RAPGEF2: variants seen among roughly 807,000 people sequenced by gnomAD.
The protein encoded by RAPGEF2 is PDZ domain containing guanine nucleotide exchange factor (GEF) 1.
Under a neutral mutation model 186.7 loss-of-function variants are expected in RAPGEF2, and 54 were observed. The ratio of observed to expected loss-of-function variants is 0.29; its 90% CI spans 0.23 to 0.36. RAPGEF2 has a LOEUF of 0.36. Among genes scored for constraint, RAPGEF2 ranks in the 10% least tolerant of loss-of-function variants. The pLI, the probability that RAPGEF2 is intolerant of heterozygous loss-of-function variation, is 1.00. For missense variants in RAPGEF2, 1,532 were observed against 2,045.0 expected, an observed-to-expected ratio of 0.75 and a Z score of 4.84; for synonymous variants, 712 against 705.9, an observed-to-expected ratio of 1.01 and a Z score of -0.14.
intron 7 of RAPGEF2, chr4:159,268,325 T>TA (rs1440199170): frequency 1.1e-6 from 1 of 886,196 alleles, no homozygotes; most frequent in East Asian, 2.6e-5. Context: ...GTAGAAGGTA[T>TA]AGTAGTCTGC....
At chr4:159,184,961 C>T (rs1426917816) in intron 1 of RAPGEF2, among the ~76,000 whole-genome samples, 1 of 152,124 alleles carries the variant, frequency 6.6e-6, no homozygotes, top group Non-Finnish European at 1.5e-5. Flanking sequence ...TATGGCTAGC[C>T]AGTTTCCCCA....
chr4:159,213,371 C>T (rs1750703079), intron 4 of RAPGEF2, among the ~76,000 whole-genome samples: 1 of 152,156 alleles, frequency 6.6e-6, no homozygotes, highest in Non-Finnish European at 1.5e-5. Flanking sequence ...ATTCTTCACC[C>T]CAAGTTTTTA....
At chr4:159,280,320 C>T (rs1038926161) in intron 7 of RAPGEF2, among the ~76,000 whole-genome samples, 1 of 152,136 alleles carries the variant, frequency 6.6e-6, no homozygotes, top group African/African-American at 2.4e-5. Flanking sequence ...ACGGTTTTGA[C>T]TGTGAAATAA....
chr4:159,235,822 G>C (rs914175256), intron 4 of RAPGEF2, among the ~76,000 whole-genome samples: 29 of 152,184 alleles, frequency 1.9e-4, no homozygotes, highest in African/African-American at 5.1e-4. Flanking sequence ...AGAAGCAAAA[G>C]TAACTTGTGG....
intron 1 of RAPGEF2, among the ~76,000 whole-genome samples, chr4:159,173,493 G>A (rs1255604776): frequency 6.6e-6 from 1 of 152,144 alleles, no homozygotes; most frequent in Admixed American, 6.5e-5. Context: ...TAGGAGTTCA[G>A]TGGAATGATG....
At chr4:159,234,127 A>C (rs1274979483) in intron 4 of RAPGEF2, among the ~76,000 whole-genome samples, 1 of 152,062 alleles carries the variant, frequency 6.6e-6, no homozygotes, top group Non-Finnish European at 1.5e-5. Flanking sequence ...AAAAAAAAAA[A>C]CTGCTGTATT....
chr4:159,208,968 A>G (rs998034875), intron 3 of RAPGEF2, among the ~76,000 whole-genome samples: 6 of 151,856 alleles, frequency 4.0e-5, no homozygotes, highest in Non-Finnish European at 8.8e-5. Flanking sequence ...TCAGCTCACT[A>G]CAACCTCCGC....
At chr4:159,134,858 C>T (rs1421158803) in intron 1 of RAPGEF2, among the ~76,000 whole-genome samples, 1 of 152,194 alleles carries the variant, frequency 6.6e-6, no homozygotes, top group Non-Finnish European at 1.5e-5. Flanking sequence ...TTCCTGTACC[C>T]TCATCCTCTA....
intron 8 of RAPGEF2, among the ~76,000 whole-genome samples, chr4:159,307,338 C>A (rs1168719157): frequency 2.0e-5 from 3 of 152,022 alleles, no homozygotes; most frequent in African/African-American, 4.8e-5. Context: ...AAATAATTTT[C>A]TTTTAAAGAG....
intron 2 of RAPGEF2, among the ~76,000 whole-genome samples, chr4:159,188,667 A>G (rs1747800324): frequency 6.6e-6 from 1 of 151,514 alleles, no homozygotes; most frequent in Non-Finnish European, 1.5e-5. Context: ...ACATCTCAAA[A>G]AAAAAAAAAA....
intron 11 of RAPGEF2, among the ~76,000 whole-genome samples, chr4:159,324,991 G>A (rs990881554): frequency 2.6e-5 from 4 of 152,152 alleles, no homozygotes; most frequent in Middle Eastern, 3.4e-3. Flanking sequence ...TCTGAATATA[G>A]TTTATTTTAA....
chr4:159,234,930 T>C (rs1483835703), intron 4 of RAPGEF2, among the ~76,000 whole-genome samples: 4 of 152,158 alleles, frequency 2.6e-5, no homozygotes, highest in East Asian at 1.9e-4. Flanking sequence ...TGGCTAACTT[T>C]TGTATTTTTA....
At chr4:159,317,407 G>A (rs1408931117) in intron 9 of RAPGEF2, among the ~76,000 whole-genome samples, 2 of 152,160 alleles carry the variant, frequency 1.3e-5, no homozygotes, top group Non-Finnish European at 2.9e-5. Context: ...GGGGAGACGC[G>A]TGATCAGCAA....
intron 7 of RAPGEF2, among the ~76,000 whole-genome samples, chr4:159,290,828 G>T (rs1015467949): frequency 2.0e-5 from 3 of 152,064 alleles, no homozygotes; most frequent in African/African-American, 7.2e-5. Flanking sequence ...TATTCCTGCT[G>T]GCCCTAGACA....
chr4:159,104,302 C>G, intron 1 of RAPGEF2, 71 bp downstream of exon 1: 2 of 800,762 alleles, frequency 2.5e-6, no homozygotes, highest in South Asian at 1.8e-5. Context: ...CCTGTCCCCC[C>G]ACCTCCTTCC....
At chr4:159,278,880 A>C (rs1759287476) in intron 7 of RAPGEF2, among the ~76,000 whole-genome samples, 1 of 152,218 alleles carries the variant, frequency 6.6e-6, no homozygotes, top group South Asian at 2.1e-4. Context: ...TTTTTGTAGG[A>C]AGTTTTTATC....
chr4:159,318,670 G>C (rs559285067), intron 9 of RAPGEF2, among the ~76,000 whole-genome samples: 1 of 152,030 alleles, frequency 6.6e-6, no homozygotes, highest in African/African-American at 2.4e-5. Context: ...TTATTGAATA[G>C]TTTTAAAAAA....
intron 7 of RAPGEF2, among the ~76,000 whole-genome samples, chr4:159,294,684 T>TTCCTTCCTTCCTTCCTTCCG: frequency 6.8e-6 from 1 of 147,248 alleles, no homozygotes; most frequent in Non-Finnish European, 1.5e-5. Context: ...CCTTCCTTCC[T>TTCCTTCCTTCCTTCCTTCCG]TCCTTCTTTC....
At chr4:159,169,211 G>A (rs1745643258) in intron 1 of RAPGEF2, among the ~76,000 whole-genome samples, 1 of 150,560 alleles carries the variant, frequency 6.6e-6, no homozygotes, top group Non-Finnish European at 1.5e-5. Flanking sequence ...GTGGAAATTT[G>A]AGACTAAATA....
Sources: gnomAD v4.1 joint callset for allele counts (sites outside exome capture counted in the v4.1 genomes callset) on GRCh38, gnomAD v4.1.1 for gene constraint, MANE v1.5 for transcripts, NCBI Gene and HGNC (gene_info 2026-07-23, HGNC 2026-07-21) for gene names.